PUDP: variants seen among roughly 807,000 people sequenced by gnomAD.
The protein encoded by PUDP is pseudouridine 5'-phosphatase.
PUDP carries 8 observed loss-of-function variants against 9.4 expected under a neutral mutation model. The observed-to-expected ratio is 0.85, with a 90% confidence interval of 0.50 to 1.53. The LOEUF (loss-of-function observed/expected upper bound fraction) is 1.53. Ranked by LOEUF, PUDP falls within the 40% of genes most tolerant of loss-of-function variation. The probability of loss-of-function intolerance (pLI) is 0.00; values close to 1 mark genes in which losing one functional copy is unlikely to be tolerated. For missense variants in PUDP, 188 were observed against 189.7 expected (o/e 0.99, Z 0.05); for synonymous variants, 99 against 80.7 (o/e 1.23, Z -1.22).
intron 3 of PUDP, among the ~76,000 whole-genome samples, chrX:7,063,004 C>T (rs1223736211): frequency 9.5e-6 from 1 of 105,188 alleles, no homozygotes; most frequent in Non-Finnish European, 1.9e-5. Context: ...GGGTTGGTTA[C>T]ATGCTACCTG....
intron 3 of PUDP, among the ~76,000 whole-genome samples, chrX:6,805,448 A>G (rs760359264): frequency 9.1e-6 from 1 of 110,477 alleles, no homozygotes; most frequent in Admixed American, 9.7e-5. Context: ...AAAAGCATCA[A>G]AGTGCCTGAG....
chrX:6,751,790 G>A lies in PUDP; in HGVS notation c.*248-45324C>T, dbSNP rs750665353. Among the ~76,000 whole-genome samples, 10 of 111,491 alleles carry A rather than the reference G, an allele frequency of 9.0e-5. No individual in the cohort carries two copies. In the South Asian group the frequency reaches 3.5e-3, roughly 38 times the overall value. ...GTGCAAAAACCTATAAATTATGCAA[G>A]ATATTTTTACAGCAGGAGGAATTTA... On this transcript the variant is annotated intron_variant and NMD_transcript_variant, in intron 3 of 3. Transcript: ENST00000655425.
chrX:7,117,107 G>A (rs1932218273), intron 1 of PUDP: 1 of 1,139,201 alleles, frequency 8.8e-7, no homozygotes. Flanking sequence ...TTAAGGCAAT[G>A]CAAGCACGGC....
intron 3 of PUDP, among the ~76,000 whole-genome samples, chrX:6,842,426 G>A (rs1926686162): frequency 9.0e-6 from 1 of 111,303 alleles, no homozygotes; most frequent in African/African-American, 3.3e-5. Flanking sequence ...TATTGACACT[G>A]GGTATTACCA....
chrX:7,119,951 C>T (rs1342418125), intron 1 of PUDP, among the ~76,000 whole-genome samples: 6 of 111,580 alleles, frequency 5.4e-5, no homozygotes, highest in African/African-American at 2.0e-4. Context: ...AAGGGTCGTA[C>T]GAGAACATAT....
intron 3 of PUDP, among the ~76,000 whole-genome samples, chrX:6,872,343 A>C (rs1325624175): frequency 9.0e-6 from 1 of 111,188 alleles, no homozygotes; most frequent in Admixed American, 9.6e-5. Context: ...TAAGGACACC[A>C]GTGTTATTCG....
At chrX:7,060,407 G>A (rs1465566883) in intron 3 of PUDP, among the ~76,000 whole-genome samples, 1 of 111,941 alleles carries the variant, frequency 8.9e-6, no homozygotes, top group Non-Finnish European at 1.9e-5. Flanking sequence ...ATGAGGTAAG[G>A]GGTTTCTAGA....
chrX:6,816,933 C>T (rs1330558531), intron 3 of PUDP, among the ~76,000 whole-genome samples: 1 of 91,003 alleles, frequency 1.1e-5, no homozygotes, highest in Non-Finnish European at 2.1e-5. Flanking sequence ...AATATATATA[C>T]ACATATAGTA....
intron 1 of PUDP, among the ~76,000 whole-genome samples, chrX:7,122,880 A>T (rs775159917): frequency 8.0e-5 from 9 of 112,920 alleles, no homozygotes; most frequent in African/African-American, 2.6e-4. Flanking sequence ...AATGAATCAA[A>T]GTTCTAACTT....
At chrX:7,072,218 G>T (rs1176185567) in intron 3 of PUDP, among the ~76,000 whole-genome samples, 1 of 111,156 alleles carries the variant, frequency 9.0e-6, no homozygotes, top group East Asian at 2.8e-4. Flanking sequence ...AAATATGCAG[G>T]TTTCCACGAA....
Position 6,720,258 on chromosome X carries a change from GTATATATA to G in PUDP, n.128+1151_128+1158del, listed in dbSNP as rs543397118. Among the ~76,000 whole-genome samples the G allele has an allele frequency of 2.3e-4, 11 of 48,799 alleles. No homozygotes were observed. The East Asian group carries it at 4.5e-3, about 20-fold the overall frequency. The allele number at this position is 48,799 out of a possible 115,157, so 42.4% of individuals were successfully genotyped here. Reference sequence around the variant, plus strand: ...TGTATATATGTATGTGTGTGTGTGTGTATATATATATATATATATATATATATATACAC... The same window carrying G: ...TGTATATATGTATGTGTGTGTGTGTGTATATATATATATATATATATACAC... On this transcript the variant is annotated intron_variant and non_coding_transcript_variant, in intron 1 of 2. Transcript: ENST00000438499.
intron 3 of PUDP, among the ~76,000 whole-genome samples, chrX:6,803,869 T>G (rs1325206003): frequency 9.0e-6 from 1 of 111,716 alleles, no homozygotes; most frequent in Non-Finnish European, 1.9e-5. Context: ...AGCTCCAAGG[T>G]AAAGAATATT....
intron 3 of PUDP, among the ~76,000 whole-genome samples, chrX:6,763,100 A>T (rs1311676818): frequency 8.9e-6 from 1 of 112,491 alleles, no homozygotes; most frequent in Non-Finnish European, 1.9e-5. Context: ...ATACAAAATA[A>T]TATTTCAGGG....
intron 3 of PUDP, among the ~76,000 whole-genome samples, chrX:6,812,314 T>C (rs190482593): frequency 1.8e-5 from 2 of 112,090 alleles, no homozygotes; most frequent in African/African-American, 3.2e-5. Flanking sequence ...GGATGATGAA[T>C]AGGAGTTTTG....
intron 3 of PUDP, among the ~76,000 whole-genome samples, chrX:6,829,662 G>A (rs910026739): frequency 6.3e-5 from 7 of 111,618 alleles, no homozygotes; most frequent in Non-Finnish European, 1.1e-4. Context: ...AGGCTTATTT[G>A]CCATCTACAT....
At chrX:7,022,175 G>C (rs1036780774) in intron 1 of PUDP, among the ~76,000 whole-genome samples, 1 of 111,470 alleles carries the variant, frequency 9.0e-6, no homozygotes, top group African/African-American at 3.3e-5. Flanking sequence ...ATGGTCCGAA[G>C]TCCACAGCTG....
intron 3 of PUDP, among the ~76,000 whole-genome samples, chrX:6,948,293 G>A (rs892179184): frequency 1.3e-4 from 14 of 111,579 alleles, no homozygotes; most frequent in Non-Finnish European, 2.4e-4. Context: ...GGGTGAAACC[G>A]ACACCTTGTC....
chrX:6,922,370 T>C (rs962694714), intron 3 of PUDP, among the ~76,000 whole-genome samples: 1 of 111,592 alleles, frequency 9.0e-6, no homozygotes, highest in African/African-American at 3.3e-5. Flanking sequence ...ATGTACAACA[T>C]ATATGCATCC....
chrX:7,135,223 T>C (rs1043194407), intron 1 of PUDP, among the ~76,000 whole-genome samples: 1 of 112,199 alleles, frequency 8.9e-6, no homozygotes, highest in African/African-American at 3.2e-5. Context: ...CCAGTCACAG[T>C]AGCTCCTCAG....
Sources: allele counts gnomAD v4.1 joint callset (sites outside exome capture counted in the v4.1 genomes callset), GRCh38; gene constraint gnomAD v4.1.1; transcripts MANE v1.5; gene names NCBI Gene and HGNC (gene_info 2026-07-23, HGNC 2026-07-21).